Variants in PDE10A observed in about 807,000 individuals in gnomAD.
PDE10A encodes phosphodiesterase 10A.
A neutral mutation model predicts 97.7 loss-of-function variants in PDE10A; 39 were observed. The ratio of observed to expected loss-of-function variants is 0.40; its 90% CI spans 0.31 to 0.52. The LOEUF (loss-of-function observed/expected upper bound fraction) is 0.52. PDE10A is among the 20% of genes least tolerant of loss of function. The probability of loss-of-function intolerance (pLI) is 0.56; values close to 1 mark genes in which losing one functional copy is unlikely to be tolerated. For synonymous variants in PDE10A, 371 were observed against 376.8 expected (o/e 0.98, Z 0.18); for missense variants, 731 against 1,047.8 (o/e 0.70, Z 4.17).
intron 1 of PDE10A, among the ~76,000 whole-genome samples, chr6:165,924,330 A>T (rs1782857548): frequency 6.6e-6 from 1 of 152,182 alleles, no homozygotes; most frequent in Admixed American, 6.5e-5. Context: ...TCCATGTTGG[A>T]TAGAAGATCT....
intron 1 of PDE10A, among the ~76,000 whole-genome samples, chr6:165,772,293 A>C (rs1232775934): frequency 6.6e-6 from 1 of 152,214 alleles, no homozygotes; most frequent in Non-Finnish European, 1.5e-5. Context: ...TAAATGCAAC[A>C]GGCTAAATGC....
Position 165,971,645 on chromosome 6 carries a change from A to G in PDE10A, c.-615+15884T>C, listed in dbSNP as rs186762998. 1.1e-3 allele frequency among the ~76,000 whole-genome samples: 166 copies of G among 152,316 alleles called. 1 individual carries two copies. The highest frequency in any genetic ancestry group is 3.8e-3 in the African/African-American group (157 of 41,558). The stretch of plus-strand genomic sequence containing the variant: ...ACGTATGTATTTTACTGAAGATGGG[A>G]GAAAAAGAAGAAGCAAAACAATAGT... On this transcript the variant is annotated intron_variant, in intron 1 of 19. Transcript: ENST00000366882.
chr6:165,673,548 C>A (rs992281637), intron 1 of PDE10A, among the ~76,000 whole-genome samples: 1 of 152,230 alleles, frequency 6.6e-6, no homozygotes, highest in Non-Finnish European at 1.5e-5. Context: ...ATAATTCAGG[C>A]CTCTTCAGCC....
intron 13 of PDE10A, among the ~76,000 whole-genome samples, chr6:165,411,976 G>A (rs917572850): frequency 2.0e-5 from 3 of 151,928 alleles, no homozygotes; most frequent in African/African-American, 4.8e-5. Context: ...TTCACGAACA[G>A]TTATATTAAC....
intron 1 of PDE10A, among the ~76,000 whole-genome samples, chr6:165,694,491 GCTC>G (rs1403417232): frequency 2.0e-5 from 3 of 152,228 alleles, no homozygotes; most frequent in Non-Finnish European, 4.4e-5. Context: ...TGCATTCACT[GCTC>G]CTCAACTCTG....
rs1322993937 is a variant in PDE10A, at chr6:165,494,531, TA to T, written c.995-12189del. On this transcript the variant is annotated intron_variant, in intron 2 of 21. Transcript: ENST00000539869. ...CATGGTGTGTGCATATATATATATA[TA>T]TATATTTATTTATTTATTTAATAAA... Among the ~76,000 whole-genome samples, 28 of 141,432 alleles carry T rather than the reference TA, an allele frequency of 2.0e-4. No homozygotes were observed. In the East Asian group the frequency reaches 3.7e-3, roughly 19 times the overall value. 92.8% of individuals were successfully genotyped at this position (141,432 alleles called of 152,430 possible). A position where few individuals can be genotyped will look rare whatever the true frequency, so the allele number is the denominator to read the frequency against.
At chr6:165,706,210 T>C (rs1791705459) in intron 1 of PDE10A, among the ~76,000 whole-genome samples, 1 of 152,204 alleles carries the variant, frequency 6.6e-6, no homozygotes, top group Non-Finnish European at 1.5e-5. Context: ...ATGTTCTCAA[T>C]GGGGCGACAT....
Position 165,561,683 on chromosome 6 carries a change from G to A in PDE10A, c.866-18115C>T, listed in dbSNP as rs530066835. On this transcript the variant is annotated intron_variant, in intron 1 of 21. Coordinates refer to ENST00000539869, the MANE Select transcript of PDE10A (RefSeq NM_001385079.1). ...TAACCAGTTATTGGTCCTAAAATAG[G>A]AAGATTATCTAACTGGGCCTGGCCT... 5.3e-5 allele frequency among the ~76,000 whole-genome samples: 8 copies of A among 152,226 alleles called. No homozygotes were observed. The South Asian group carries it at 6.2e-4, about 12-fold the overall frequency.
At chr6:165,727,509 T>C (rs1792329634) in intron 1 of PDE10A, among the ~76,000 whole-genome samples, 1 of 152,040 alleles carries the variant, frequency 6.6e-6, no homozygotes, top group Non-Finnish European at 1.5e-5. Context: ...CAGGAGGGAA[T>C]CACTAAAAGA....
intron 1 of PDE10A, among the ~76,000 whole-genome samples, chr6:165,952,356 C>T (rs1396854664): frequency 1.3e-5 from 2 of 152,224 alleles, no homozygotes; most frequent in Admixed American, 1.3e-4. Context: ...TACGTATTAT[C>T]TTGGTTAGCT....
At chr6:165,751,114 A>T (rs569101236) in intron 1 of PDE10A, among the ~76,000 whole-genome samples, 6 of 152,210 alleles carry the variant, frequency 3.9e-5, no homozygotes, top group African/African-American at 1.4e-4. Context: ...TGCCGTCTTC[A>T]CCTGCGGGTG....
At chr6:165,569,051 G>C (rs1446120542) in intron 1 of PDE10A, among the ~76,000 whole-genome samples, 1 of 152,148 alleles carries the variant, frequency 6.6e-6, no homozygotes, top group African/African-American at 2.4e-5. Flanking sequence ...CAGTACAAAT[G>C]TAAGAATGTA....
At chr6:165,530,038 G>T (rs934980085) in intron 2 of PDE10A, among the ~76,000 whole-genome samples, 27 of 152,054 alleles carry the variant, frequency 1.8e-4, no homozygotes, top group Non-Finnish European at 3.4e-4. Flanking sequence ...CATCTAATCA[G>T]CTTCCAGCAA....
intron 1 of PDE10A, among the ~76,000 whole-genome samples, chr6:165,549,325 CTGTTTT>C (rs978479041): frequency 1.5e-4 from 23 of 151,944 alleles, no homozygotes; most frequent in Non-Finnish European, 2.1e-4. Flanking sequence ...ACGGTTTTTT[CTGTTTT>C]TGTTTTTGTT....
chr6:165,680,632 G>C (rs1019849488), intron 1 of PDE10A, among the ~76,000 whole-genome samples: 1 of 152,138 alleles, frequency 6.6e-6, no homozygotes, highest in Non-Finnish European at 1.5e-5. Flanking sequence ...AGCCAGGAGC[G>C]GGGGCTCAGG....
chr6:165,614,892 A>G (rs1787655808), intron 1 of PDE10A, among the ~76,000 whole-genome samples: 1 of 152,076 alleles, frequency 6.6e-6, no homozygotes, highest in Non-Finnish European at 1.5e-5. Context: ...GAAGTGTTAA[A>G]CCCATTGGGC....
intron 1 of PDE10A, among the ~76,000 whole-genome samples, chr6:165,631,638 A>G (rs1232412205): frequency 6.6e-6 from 1 of 152,212 alleles, no homozygotes; most frequent in Non-Finnish European, 1.5e-5. Flanking sequence ...ACATGGTTAA[A>G]TTTGTCATTG....
intron 18 of PDE10A, among the ~76,000 whole-genome samples, chr6:165,350,275 G>A (rs1319372826): frequency 1.3e-5 from 2 of 152,352 alleles, no homozygotes; most frequent in South Asian, 2.1e-4. Context: ...TGACCTGGAT[G>A]TGAGACATGG....
At chr6:165,903,744 CA>C (rs113709071) in intron 1 of PDE10A, among the ~76,000 whole-genome samples, 1 of 148,592 alleles carries the variant, frequency 6.7e-6, no homozygotes, top group Non-Finnish European at 1.5e-5. Flanking sequence ...AGTGTAGATA[CA>C]AAAAAAAAGC....
Sources: allele counts gnomAD v4.1 joint callset (sites outside exome capture counted in the v4.1 genomes callset), GRCh38; gene constraint gnomAD v4.1.1; transcripts MANE v1.5; gene names NCBI Gene and HGNC (gene_info 2026-07-23, HGNC 2026-07-21).